Variants in ZCWPW2 observed in about 807,000 individuals in gnomAD.
The protein encoded by ZCWPW2 is zinc finger CW-type PWWP domain protein 2.
In ZCWPW2, 45 loss-of-function variants were observed where a neutral mutation model predicts 46.6. The observed-to-expected ratio is 0.96, with a 90% CI of 0.76 to 1.24. The LOEUF (loss-of-function observed/expected upper bound fraction) is 1.24, where lower values mean the gene tolerates loss of function less well. Among genes scored for constraint, ZCWPW2 ranks in the 50% most tolerant of loss-of-function variants. The pLI is 0.00. For missense variants in ZCWPW2, 429 were observed against 403.9 expected, an observed-to-expected ratio of 1.06 and a Z score of -0.53; for synonymous variants, 152 against 137.1, an observed-to-expected ratio of 1.11 and a Z score of -0.76.
intron 4 of ZCWPW2, among the ~76,000 whole-genome samples, chr3:28,470,566 C>CA (rs1021828857): frequency 8.8e-5 from 13 of 147,072 alleles, no homozygotes; most frequent in African/African-American, 3.2e-4. Context: ...CATGACATAC[C>CA]AAAACCTATG....
At chr3:28,375,628 G>T (rs1283604372) in intron 1 of ZCWPW2, among the ~76,000 whole-genome samples, 7 of 151,928 alleles carry the variant, frequency 4.6e-5, no homozygotes, top group Admixed American at 3.3e-4. Context: ...TTTATCCTTT[G>T]AGTTACCTAT....
At chr3:28,388,709 G>A (rs1342751214) in intron 1 of ZCWPW2, among the ~76,000 whole-genome samples, 1 of 152,088 alleles carries the variant, frequency 6.6e-6, no homozygotes, top group Non-Finnish European at 1.5e-5. Flanking sequence ...TTCTGTAACT[G>A]GTCATGTAGT....
chr3:28,495,513 A>G (rs766926193), intron 6 of ZCWPW2, among the ~76,000 whole-genome samples: 1 of 152,120 alleles, frequency 6.6e-6, no homozygotes, highest in Non-Finnish European at 1.5e-5. Flanking sequence ...GCTCAGTGCC[A>G]TGGGCCAGAT....
At position 28,413,210 on chromosome 3, in the gene ZCWPW2, G is replaced by A. The variant is rs958695911; in HGVS notation, c.142G>A (p.Asp48Asn). ...CLKWRLLSSE[D>N]SAKVDHDEPW... ...GAAATGGAGATTGTTATCAAGTGAG[G>A]ATTCAGCCAAGGTTGATCATGATGA... is the stretch of plus-strand genomic sequence containing the variant. The change falls in exon 3 of 10, where the codon GAT becomes AAT. Residue 48 changes from aspartate to asparagine, a missense_variant. Asp to Asn is a conservative substitution (Grantham distance 23, BLOSUM62 1). Transcript: ENST00000383768. The A allele has an allele frequency of 2.5e-6, 4 of 1,613,378 alleles. No individual in the cohort carries two copies. The highest frequency in any genetic ancestry group is 3.4e-6 in the Non-Finnish European group (4 of 1,179,560).
chr3:28,457,263 A>G (rs1264176587), intron 4 of ZCWPW2, among the ~76,000 whole-genome samples: 1 of 152,180 alleles, frequency 6.6e-6, no homozygotes, highest in African/African-American at 2.4e-5. Flanking sequence ...ATATTTAACC[A>G]TCTTCTTTAC....
At chr3:28,480,600 C>A (rs1699392888) in intron 5 of ZCWPW2, among the ~76,000 whole-genome samples, 1 of 152,074 alleles carries the variant, frequency 6.6e-6, no homozygotes, top group Non-Finnish European at 1.5e-5. Context: ...TCACATTTGT[C>A]AATTTTTGCT....
rs1353770139 is a variant in ZCWPW2, at chr3:28,524,696, T to A, written c.*8T>A. 6.8e-7 allele frequency: 1 copy of A among 1,471,674 alleles called. No individual in the cohort carries two copies. 91.2% of individuals were successfully genotyped at this position (1,471,674 alleles called of 1,614,324 possible). A position where few individuals can be genotyped will look rare whatever the true frequency, so the allele number is the denominator to read the frequency against. On this transcript the variant is annotated 3_prime_UTR_variant, in exon 10 of 10. Transcript: ENST00000383768. ...TTGATGTCTGAGTTTTAGAACATTA[T>A]ACATTTTTCAAATTAATTATAAAAA...
intron 1 of ZCWPW2, among the ~76,000 whole-genome samples, chr3:28,375,943 C>G (rs1287182989): frequency 6.8e-6 from 1 of 146,202 alleles, no homozygotes; most frequent in African/African-American, 2.5e-5. Context: ...ATGTCCAGTT[C>G]CATCCATGTT....
At chr3:28,469,745 A>G (rs1559517638) in intron 4 of ZCWPW2, among the ~76,000 whole-genome samples, 2 of 151,648 alleles carry the variant, frequency 1.3e-5, no homozygotes, top group Non-Finnish European at 2.9e-5. Context: ...GTATATATAT[A>G]TGCACCCAAC....
chr3:28,385,338 G>T (rs1411655201), intron 1 of ZCWPW2, among the ~76,000 whole-genome samples: 1 of 152,134 alleles, frequency 6.6e-6, no homozygotes, highest in Admixed American at 6.5e-5. Flanking sequence ...TCCATTAGAG[G>T]GATCTTGACT....
At chr3:28,482,686 G>A (rs1342809503) in intron 5 of ZCWPW2, among the ~76,000 whole-genome samples, 2 of 152,098 alleles carry the variant, frequency 1.3e-5, no homozygotes, top group East Asian at 1.9e-4. Flanking sequence ...TTGGGTTTTG[G>A]CCACTCTAGT....
chr3:28,472,134 A>C (rs576474317), intron 4 of ZCWPW2, among the ~76,000 whole-genome samples: 1 of 152,304 alleles, frequency 6.6e-6, no homozygotes, highest in Admixed American at 6.5e-5. Context: ...AATATTGTTA[A>C]AATGTCCATA....
At position 28,403,410 on chromosome 3, in the gene ZCWPW2, G is replaced by GA. The variant is rs1402199025; in HGVS notation, c.-13-9640dup. Among the ~76,000 whole-genome samples the GA allele has an allele frequency of 2.0e-5, 3 of 152,182 alleles. No individual in the cohort carries two copies. In the East Asian group the frequency reaches 5.8e-4, roughly 29 times the overall value. ...GAAATCATAGACAACACAAAAAAAT[G>GA]AAAAAACATCCCACGCTCATGGATG... On this transcript the variant is annotated intron_variant, in intron 2 of 9. Transcript: ENST00000383768.
intron 4 of ZCWPW2, among the ~76,000 whole-genome samples, chr3:28,462,994 T>C (rs186611853): frequency 2.0e-4 from 31 of 152,212 alleles, no homozygotes; most frequent in African/African-American, 6.8e-4. Context: ...TTACAAACTT[T>C]TCACTTTTGG....
rs116266854 is a variant in ZCWPW2, at chr3:28,434,549, C to T, written c.333-561C>T. 9.1e-3 allele frequency among the ~76,000 whole-genome samples: 1,393 copies of T among 152,250 alleles called. 24 individuals are homozygous for T. Among genetic ancestry groups the T allele is most frequent in the African/African-American group, 0.031 (1,292 of 41,528 alleles). On this transcript the variant is annotated intron_variant, in intron 3 of 9. Transcript: ENST00000383768. ...TTAACAATGTGGTCACCTGGCAATG[C>T]AGCAGATGGAGGAAGGAGACAGGAT...
intron 4 of ZCWPW2, among the ~76,000 whole-genome samples, chr3:28,456,500 C>T (rs1698427637): frequency 2.0e-5 from 3 of 152,088 alleles, no homozygotes; most frequent in South Asian, 2.1e-4. Flanking sequence ...GCCATAATTT[C>T]GAATATTGTG....
intron 3 of ZCWPW2, among the ~76,000 whole-genome samples, chr3:28,420,895 A>G (rs1372197020): frequency 6.6e-6 from 1 of 151,864 alleles, no homozygotes; most frequent in African/African-American, 2.4e-5. Flanking sequence ...AAGTTCACTG[A>G]TTCTTTTCTC....
At chr3:28,356,423 A>C (rs1484107164) in intron 1 of ZCWPW2, among the ~76,000 whole-genome samples, 2 of 152,250 alleles carry the variant, frequency 1.3e-5, no homozygotes, top group Non-Finnish European at 2.9e-5. Context: ...AAACTAGTTC[A>C]ACTGCTGTGG....
intron 1 of ZCWPW2, among the ~76,000 whole-genome samples, chr3:28,381,042 TA>T (rs1695080152): frequency 9.2e-5 from 3 of 32,492 alleles, no homozygotes; most frequent in Non-Finnish European, 1.2e-4. Flanking sequence ...TATATATATA[TA>T]TTTGGTGTAT....
Sources: allele counts gnomAD v4.1 joint callset (sites outside exome capture counted in the v4.1 genomes callset), GRCh38; gene constraint gnomAD v4.1.1; transcripts MANE v1.5; gene names NCBI Gene and HGNC (gene_info 2026-07-23, HGNC 2026-07-21).